Variants in ARPC1A observed in about 807,000 individuals in gnomAD.
ARPC1A encodes the protein actin related protein 2/3 complex subunit 1A, also known as actin-related protein 2/3 complex subunit 1A.
Under a neutral mutation model 46.9 loss-of-function variants are expected in ARPC1A, and 8 were observed. The observed-to-expected ratio is 0.17, with a 90% CI of 0.10 to 0.31. ARPC1A has a LOEUF of 0.31. Among genes scored for constraint, ARPC1A ranks in the 10% least tolerant of loss-of-function variants. The pLI is 1.00. For missense variants in ARPC1A, 286 were observed against 483.6 expected, an observed-to-expected ratio of 0.59 and a Z score of 3.83; for synonymous variants, 152 against 169.0, an observed-to-expected ratio of 0.90 and a Z score of 0.78.
intron 1 of ARPC1A, among the ~76,000 whole-genome samples, chr7:99,328,375 T>C (rs1000360963): frequency 6.6e-6 from 1 of 152,072 alleles, no homozygotes; most frequent in Non-Finnish European, 1.5e-5. Flanking sequence ...ATTTAAAAAA[T>C]AGAAAAGCCT....
At chr7:99,357,168 C>G (rs964380751) in intron 6 of ARPC1A, among the ~76,000 whole-genome samples, 3 of 151,958 alleles carry the variant, frequency 2.0e-5, no homozygotes, top group Non-Finnish European at 4.4e-5. Flanking sequence ...CCCTGTCTAC[C>G]CTCGTACTGA....
intron 5 of ARPC1A, among the ~76,000 whole-genome samples, chr7:99,353,581 G>A (rs1486429774): frequency 3.3e-5 from 5 of 151,610 alleles, no homozygotes; most frequent in Admixed American, 1.3e-4. Context: ...GGGTTTACGC[G>A]ATTCTCCTGA....
chr7:99,338,367 A>T, intron 3 of ARPC1A, 82 bp downstream of exon 3: 2 of 719,898 alleles, frequency 2.8e-6, no homozygotes, highest in Non-Finnish European at 4.2e-6. Flanking sequence ...TAATAAACCC[A>T]GGTGGCCATA....
chr7:99,335,661 A>C (rs1699070164), intron 2 of ARPC1A, among the ~76,000 whole-genome samples: 1 of 152,062 alleles, frequency 6.6e-6, no homozygotes, highest in Admixed American at 6.6e-5. Flanking sequence ...CCATCTTTTT[A>C]AAGCATTTCA....
chr7:99,345,657 C>A lies in ARPC1A; in HGVS notation c.392+1142C>A, dbSNP rs1189634644. Among the ~76,000 whole-genome samples, 335 of 134,350 alleles carry A rather than the reference C, an allele frequency of 2.5e-3. 2 individuals are homozygous for A. The highest frequency in any genetic ancestry group is 3.8e-3 in the Non-Finnish European group (232 of 61,444). The allele number at this position is 134,350 out of a possible 152,430, so 88.1% of individuals were successfully genotyped here. ...TGGGCGGCAAAGTGAGATTCTATCT[C>A]AAAAAAAAAAAAAATTATTTTTCTG... On this transcript the variant is annotated intron_variant, in intron 4 of 9. Coordinates refer to ENST00000262942, the MANE Select transcript of ARPC1A (RefSeq NM_006409.4).
chr7:99,326,275 C>A (rs773024941), intron 1 of ARPC1A, among the ~76,000 whole-genome samples: 24 of 152,200 alleles, frequency 1.6e-4, no homozygotes, highest in Non-Finnish European at 3.1e-4. Flanking sequence ...GTCCTACTTG[C>A]ACCTCTGCTG....
chr7:99,358,719 T>C, intron 7 of ARPC1A: 2 of 284,504 alleles, frequency 7.0e-6, no homozygotes, highest in Non-Finnish European at 1.3e-5. Context: ...TTTGTATTTT[T>C]AGAAGAGACG....
chr7:99,329,300 CAAA>C (rs575972082), intron 1 of ARPC1A, among the ~76,000 whole-genome samples: 2 of 101,150 alleles, frequency 2.0e-5, no homozygotes, highest in African/African-American at 3.7e-5. Flanking sequence ...GACTCCGTCT[CAAA>C]AAAAAAAAAA....
chr7:99,342,716 C>CTTTTTT (rs555524613), intron 3 of ARPC1A, among the ~76,000 whole-genome samples: 6 of 101,930 alleles, frequency 5.9e-5, no homozygotes, highest in African/African-American at 1.9e-4. Flanking sequence ...CTTCATACTA[C>CTTTTTT]TTTTTTTTTT....
At chr7:99,358,304 G>C in intron 6 of ARPC1A, 36 bp from the exon 7 acceptor site, 1 of 1,592,264 alleles carries the variant, frequency 6.3e-7, no homozygotes, top group Non-Finnish European at 8.6e-7. Flanking sequence ...CTAATAGTCT[G>C]TTGCATCTTG....
rs376725540 is a variant in ARPC1A, at chr7:99,354,004, G to A, written c.596G>A (p.Gly199Asp). 7 of 1,613,910 alleles carry A rather than the reference G, an allele frequency of 4.3e-6. No homozygotes were observed. Among genetic ancestry groups the A allele is most frequent in the African/African-American group, 4.0e-5 (3 of 74,934 alleles). The stretch of plus-strand genomic sequence containing the variant: ...TTTGGGCAGCTGATGTCAGAGTTTG[G>A]TGGCAGTGGCACTGGTGGCTGGGTC... ...MPFGQLMSEF[G>D]GSGTGGWVHG... Residue 199 changes from glycine to aspartate, a missense_variant, in exon 6 of 10, where the codon GGT (glycine) becomes GAT (aspartate). Physicochemically the swap from Gly to Asp is moderately conservative, Grantham distance 94. Around this residue, in one of 5 missense-constraint regions of ARPC1A, gnomAD observed 182 missense variants for 276.7 expected, o/e 0.66. Transcript: ENST00000262942.
At chr7:99,350,904 C>G (rs1447891188) in intron 5 of ARPC1A, among the ~76,000 whole-genome samples, 1 of 151,734 alleles carries the variant, frequency 6.6e-6, no homozygotes, top group Non-Finnish European at 1.5e-5. Flanking sequence ...GCCTTGGCCT[C>G]CCAAAGTGCT....
At position 99,338,534 on chromosome 7, in the gene ARPC1A, C is replaced by T. The variant is rs1350708144; in HGVS notation, c.169+249C>T. On this transcript the variant is annotated intron_variant, in intron 3 of 9. Transcript: ENST00000262942. ...CTGAGTAGCTGGGATTACAGGCACG[C>T]GCCACTATGCCTGGCTAATTTTTTT... is the stretch of plus-strand genomic sequence containing the variant. 3.3e-5 allele frequency among the ~76,000 whole-genome samples: 5 copies of T among 151,732 alleles called. No homozygotes were observed. The East Asian group carries it at 7.7e-4, about 24-fold the overall frequency.
At chr7:99,334,378 T>C (rs1160634411) in intron 2 of ARPC1A, among the ~76,000 whole-genome samples, 1 of 151,598 alleles carries the variant, frequency 6.6e-6, no homozygotes. Flanking sequence ...AAAAAAATAA[T>C]AACAATAATA....
At position 99,344,417 on chromosome 7, in the gene ARPC1A, A is replaced by C. The variant is rs1246360873; in HGVS notation, c.294A>C (p.Ala98=). Residue 98 remains alanine (A), a synonymous_variant, in exon 4 of 10, where the codon GCA becomes GCC. Transcript: ENST00000262942. ...TGGTGATCCTGAGAATTAATCGCGC[A>C]GCTACTTTTGTGAAGTGGTCCCCCC... ...PTLVILRINR[A]ATFVKWSPLE... is the part of the protein sequence containing the mutation. The C allele has an allele frequency of 1.2e-6, 2 of 1,613,964 alleles. No individual in the cohort carries two copies. Among genetic ancestry groups the C allele is most frequent in the Non-Finnish European group, 1.7e-6 (2 of 1,179,870 alleles).
chr7:99,344,773 C>T (rs149710062), intron 4 of ARPC1A, among the ~76,000 whole-genome samples: 1 of 151,628 alleles, frequency 6.6e-6, no homozygotes, highest in African/African-American at 2.4e-5. Flanking sequence ...TATTACTGTT[C>T]TCACTCTATA....
intron 3 of ARPC1A, among the ~76,000 whole-genome samples, chr7:99,341,708 A>G (rs893640459): frequency 6.6e-6 from 1 of 152,172 alleles, no homozygotes; most frequent in African/African-American, 2.4e-5. Flanking sequence ...GAAATCGCCA[A>G]AAATGTGAAA....
intron 2 of ARPC1A, among the ~76,000 whole-genome samples, chr7:99,336,985 A>T (rs986602687): frequency 6.6e-6 from 1 of 152,062 alleles, no homozygotes; most frequent in African/African-American, 2.4e-5. Flanking sequence ...ATTCAATTAA[A>T]AAAAAAACAG....
At chr7:99,348,595 C>T (rs1195811210) in intron 4 of ARPC1A, among the ~76,000 whole-genome samples, 5 of 152,152 alleles carry the variant, frequency 3.3e-5, no homozygotes, top group Non-Finnish European at 7.3e-5. Context: ...ATCAAAAAAC[C>T]TTGTCTCTGG....
Sources: gnomAD v4.1 joint callset for allele counts (sites outside exome capture counted in the v4.1 genomes callset) on GRCh38, gnomAD v4.1.1 for gene constraint, gnomAD v4.1.1 regional missense constraint, MANE v1.5 for transcripts, NCBI Gene and HGNC (gene_info 2026-07-23, HGNC 2026-07-21) for gene names.